SIRT5: variants seen among roughly 807,000 people sequenced by gnomAD.
The protein encoded by SIRT5 is NAD-dependent protein deacylase sirtuin-5, mitochondrial.
SIRT5 carries 26 observed loss-of-function variants against 40.0 expected under a neutral mutation model. The observed-to-expected ratio is 0.65, with a 90% CI of 0.48 to 0.90. SIRT5 has a LOEUF of 0.90. SIRT5 is among the 40% of genes least tolerant of loss of function. SIRT5 has a pLI of 0.00. For synonymous variants in SIRT5, 146 were observed against 149.1 expected (o/e 0.98, Z 0.15); for missense variants, 401 against 402.4 (o/e 1.00, Z 0.03).
intron 9 of SIRT5, 127 bp from the exon 10 acceptor site, chr6:13,611,663 A>ATACC (rs1763949609): frequency 1.4e-6 from 1 of 723,524 alleles, no homozygotes; most frequent in Non-Finnish European, 2.5e-6. Flanking sequence ...GAAATTCATA[A>ATACC]TACCATCTTT....
chr6:13,605,757 T>C, intron 9 of SIRT5: 1 of 985,464 alleles, frequency 1.0e-6, no homozygotes, highest in Non-Finnish European at 1.2e-6. Flanking sequence ...GTTTTGACTG[T>C]TACTCAACCC....
chr6:13,584,037 A>G lies in SIRT5; in HGVS notation c.-35-39A>G, dbSNP rs1759730856. 4 of 886,710 alleles carry G rather than the reference A, an allele frequency of 4.5e-6. No homozygotes were observed. The Admixed American group carries it at 6.7e-5, about 15-fold the overall frequency. The allele number at this position is 886,710 out of a possible 1,614,324, so 54.9% of individuals were successfully genotyped here. ...TTTCCATATATAAAAATATTTGCTG[A>G]TTGTTTCTACACTATTTGTTTTTGT... is the stretch of plus-strand genomic sequence containing the variant. On this transcript the variant is annotated intron_variant, in intron 2 of 9. Transcript: ENST00000606117.
At chr6:13,609,790 A>G (rs1201828234) in intron 9 of SIRT5, among the ~76,000 whole-genome samples, 1 of 152,238 alleles carries the variant, frequency 6.6e-6, no homozygotes, top group African/African-American at 2.4e-5. Context: ...ATTGTTTCCT[A>G]TTAACTTGGC....
intron 9 of SIRT5, among the ~76,000 whole-genome samples, chr6:13,601,278 G>A (rs1188755556): frequency 2.6e-5 from 4 of 152,262 alleles, no homozygotes; most frequent in African/African-American, 4.8e-5. Flanking sequence ...CAAATGCTCC[G>A]CAAGTAAGCC....
intron 5 of SIRT5, among the ~76,000 whole-genome samples, chr6:13,592,875 A>G (rs1283557783): frequency 6.7e-6 from 1 of 150,174 alleles, no homozygotes; most frequent in Non-Finnish European, 1.5e-5. Flanking sequence ...TGCATTTCTT[A>G]TTTTTTAAGC....
At position 13,591,454 on chromosome 6, in the gene SIRT5, C is replaced by T. The variant is rs144036591; in HGVS notation, c.250-215C>T. Among the ~76,000 whole-genome samples the T allele has an allele frequency of 6.6e-5, 10 of 152,362 alleles. No homozygotes were observed. In the East Asian group the frequency reaches 1.2e-3, roughly 18 times the overall value. ...TCACTAAGGAAATTGACTGATTTCTCCAAGGTCCCTGGGCAGTCCCAGGAT... is the reference window on the plus strand; with the variant it reads ...TCACTAAGGAAATTGACTGATTTCTTCAAGGTCCCTGGGCAGTCCCAGGAT... On this transcript the variant is annotated intron_variant, in intron 4 of 9. Coordinates refer to ENST00000606117, the MANE Select transcript of SIRT5 (RefSeq NM_012241.5).
intron 9 of SIRT5, among the ~76,000 whole-genome samples, chr6:13,601,890 C>A (rs1310672307): frequency 6.6e-6 from 1 of 152,006 alleles, no homozygotes; most frequent in Non-Finnish European, 1.5e-5. Context: ...CTTCAGTAGG[C>A]CCCTCCTCAA....
At chr6:13,601,013 C>A in intron 9 of SIRT5, 64 bp downstream of exon 9, 1 of 1,196,186 alleles carries the variant, frequency 8.4e-7, no homozygotes, top group Non-Finnish European at 1.2e-6. Context: ...GTCATCTAAA[C>A]ATAGTTGACC....
intron 4 of SIRT5, among the ~76,000 whole-genome samples, chr6:13,590,663 GTGTA>G (rs1384366242): frequency 1.3e-5 from 2 of 152,076 alleles, no homozygotes; most frequent in Admixed American, 6.6e-5. Context: ...GTGCAGTTGT[GTGTA>G]TGTAGATGTG....
At chr6:13,589,680 TG>T (rs1760567472) in intron 4 of SIRT5, 1 of 151,788 alleles carries the variant, frequency 6.6e-6, no homozygotes, top group African/African-American at 2.4e-5. Context: ...GGGTGAAGGG[TG>T]GGGGTCATTA....
At chr6:13,575,013 A>G (rs1177810573) in intron 1 of SIRT5, among the ~76,000 whole-genome samples, 2 of 152,172 alleles carry the variant, frequency 1.3e-5, no homozygotes, top group African/African-American at 4.8e-5. Flanking sequence ...TGGAGCCGTC[A>G]GGTTCTGCTG....
At chr6:13,590,330 T>C (rs1479806518) in intron 4 of SIRT5, among the ~76,000 whole-genome samples, 2 of 152,194 alleles carry the variant, frequency 1.3e-5, no homozygotes, top group Non-Finnish European at 2.9e-5. Context: ...TCGGCTCCTT[T>C]ACCAGAAAGG....
chr6:13,585,670 C>T (rs2127630953), intron 3 of SIRT5, among the ~76,000 whole-genome samples: 1 of 152,294 alleles, frequency 6.6e-6, no homozygotes, highest in East Asian at 1.9e-4. Context: ...GGTTCCAAGT[C>T]TTTGCTACTG....
At chr6:13,594,920 C>G (rs1761376984) in intron 5 of SIRT5, among the ~76,000 whole-genome samples, 1 of 152,178 alleles carries the variant, frequency 6.6e-6, no homozygotes, top group Non-Finnish European at 1.5e-5. Context: ...ATAAAAGATT[C>G]AAGCTTTCTG....
intron 9 of SIRT5, chr6:13,604,977 A>G (rs1762906927): frequency 2.0e-6 from 2 of 988,102 alleles, no homozygotes; most frequent in African/African-American, 3.5e-5. Flanking sequence ...GAAGCCAGCA[A>G]TGCTTTTTTC....
At chr6:13,583,289 C>CTTTTTTTTTTTTTTTTTTTTTTTTTGTTT (rs765557886) in intron 2 of SIRT5, among the ~76,000 whole-genome samples, 1 of 100,536 alleles carries the variant, frequency 9.9e-6, no homozygotes, top group Non-Finnish European at 2.0e-5. Context: ...CTTCTTTGTT[C>CTTTTTTTTTTTTTTTTTTTTTTTTTGTTT]TTTTTTTTTT....
intron 7 of SIRT5, among the ~76,000 whole-genome samples, chr6:13,598,286 G>A (rs1761869592): frequency 2.0e-5 from 3 of 152,172 alleles, no homozygotes; most frequent in Admixed American, 6.5e-5. Context: ...AGTGAAAGAA[G>A]AGAGATTTTT....
chr6:13,577,626 TATATC>T, intron 1 of SIRT5, among the ~76,000 whole-genome samples: 1 of 149,178 alleles, frequency 6.7e-6, no homozygotes, highest in African/African-American at 2.4e-5. Context: ...AGAAATCTCA[TATATC>T]TTATATGTCT....
At chr6:13,610,871 GAATA>G (rs1002717105) in intron 9 of SIRT5, among the ~76,000 whole-genome samples, 3 of 152,144 alleles carry the variant, frequency 2.0e-5, no homozygotes, top group Non-Finnish European at 2.9e-5. Flanking sequence ...ATTGTATCAA[GAATA>G]AATAATATAA....
Sources: allele counts gnomAD v4.1 joint callset (sites outside exome capture counted in the v4.1 genomes callset), GRCh38; gene constraint gnomAD v4.1.1; transcripts MANE v1.5; gene names NCBI Gene and HGNC (gene_info 2026-07-23, HGNC 2026-07-21).